The following COL10A1 variants were observed in gnomAD, a reference collection of about 807,000 sequenced individuals.
COL10A1 encodes collagen alpha-1(X) chain.
Under a neutral mutation model 18.2 loss-of-function variants are expected in COL10A1, and 10 were observed. The observed-to-expected ratio is 0.55, with a 90% confidence interval of 0.34 to 0.93. COL10A1 has a LOEUF of 0.93. Among genes scored for constraint, COL10A1 ranks in the 40% least tolerant of loss-of-function variants. The probability of loss-of-function intolerance (pLI) is 0.02; values close to 1 mark genes in which losing one functional copy is unlikely to be tolerated. For missense variants in COL10A1, 897 were observed against 853.5 expected, an observed-to-expected ratio of 1.05 and a Z score of -0.64; for synonymous variants, 330 against 316.6, an observed-to-expected ratio of 1.04 and a Z score of -0.45.
At chr6:116,207,703 A>G in the COL10A1 span, among the ~76,000 whole-genome samples, 6,212 of 151,996 alleles carry the variant, frequency 0.041, 424 homozygotes, top group African/African-American at 0.14. Flanking sequence ...CCCTGCTTAG[A>G]GTAGAATATT....
chr6:116,208,344 GA>G, the COL10A1 span, among the ~76,000 whole-genome samples: 14 of 151,924 alleles, frequency 9.2e-5, no homozygotes, highest in African/African-American at 3.1e-4. Context: ...GACTTCTGTT[GA>G]AAACAAAACC....
the COL10A1 span, among the ~76,000 whole-genome samples, chr6:116,189,374 T>A: frequency 2.0e-5 from 3 of 151,958 alleles, no homozygotes; most frequent in African/African-American, 7.2e-5. Flanking sequence ...TTGCAGTATA[T>A]TTACATTTAT....
chr6:116,147,727 T>C (rs903880078), intron 1 of COL10A1, among the ~76,000 whole-genome samples: 1 of 152,224 alleles, frequency 6.6e-6, no homozygotes. Flanking sequence ...CCAAGAATTA[T>C]ATCTCTAAGA....
chr6:116,164,155 T>A, the COL10A1 span, among the ~76,000 whole-genome samples: 2 of 152,342 alleles, frequency 1.3e-5, no homozygotes, highest in East Asian at 3.9e-4. Context: ...GTTTTCTCCT[T>A]CAGTGATCTG....
the COL10A1 span, among the ~76,000 whole-genome samples, chr6:116,195,201 TATA>T: frequency 6.6e-6 from 1 of 152,098 alleles, no homozygotes; most frequent in African/African-American, 2.4e-5. Context: ...ATACTGAAGT[TATA>T]ATATAGGCAT....
At chr6:116,216,754 A>G in the COL10A1 span, among the ~76,000 whole-genome samples, 1 of 152,106 alleles carries the variant, frequency 6.6e-6, no homozygotes, top group East Asian at 1.9e-4. Flanking sequence ...AACAAAATAA[A>G]TTTATCTCTT....
the COL10A1 span, among the ~76,000 whole-genome samples, chr6:116,190,730 A>G: frequency 3.9e-5 from 6 of 152,030 alleles, no homozygotes; most frequent in South Asian, 2.1e-4. Context: ...ATTCTTGACA[A>G]CTGAACTGTG....
At chr6:116,172,842 C>A in the COL10A1 span, among the ~76,000 whole-genome samples, 1 of 152,102 alleles carries the variant, frequency 6.6e-6, no homozygotes, top group Non-Finnish European at 1.5e-5. Context: ...AATCTACTCT[C>A]CTTGTTTTTA....
chr6:116,153,766 A>G (rs1442800793), intron 1 of COL10A1, among the ~76,000 whole-genome samples: 2 of 152,120 alleles, frequency 1.3e-5, no homozygotes, highest in Non-Finnish European at 2.9e-5. Flanking sequence ...TTTATGTTTT[A>G]TGCAATGATA....
chr6:116,152,516 G>A (rs779232328), intron 1 of COL10A1, among the ~76,000 whole-genome samples: 1 of 152,102 alleles, frequency 6.6e-6, no homozygotes, highest in Non-Finnish European at 1.5e-5. Flanking sequence ...GCACGATGGG[G>A]TCTCCAGGGC....
upstream of COL10A1, among the ~76,000 whole-genome samples, chr6:116,160,044 C>G (rs1780292068): frequency 6.6e-6 from 1 of 152,036 alleles, no homozygotes; most frequent in South Asian, 2.1e-4. Flanking sequence ...AATTCCATGA[C>G]TTTGCTATTG....
chr6:116,180,850 G>A, the COL10A1 span, among the ~76,000 whole-genome samples: 1 of 152,018 alleles, frequency 6.6e-6, no homozygotes, highest in Non-Finnish European at 1.5e-5. Flanking sequence ...TCAACCAATT[G>A]CAATTTGTGA....
At chr6:116,144,742 G>A (rs1213407078) in intron 1 of COL10A1, among the ~76,000 whole-genome samples, 1 of 152,184 alleles carries the variant, frequency 6.6e-6, no homozygotes, top group African/African-American at 2.4e-5. Flanking sequence ...GGGAGTGGGT[G>A]GGATAGCAGG....
At chr6:116,143,440 T>G (rs2114372524) in intron 1 of COL10A1, among the ~76,000 whole-genome samples, 1 of 152,248 alleles carries the variant, frequency 6.6e-6, no homozygotes, top group South Asian at 2.1e-4. Flanking sequence ...TCTTGATCTC[T>G]TAACCTTGTG....
the COL10A1 span, among the ~76,000 whole-genome samples, chr6:116,182,698 C>A: frequency 6.6e-6 from 1 of 151,970 alleles, no homozygotes; most frequent in African/African-American, 2.4e-5. Context: ...TTAGAATTGT[C>A]TCTTCATGTC....
chr6:116,162,705 C>T (rs1398738198), upstream of COL10A1, among the ~76,000 whole-genome samples: 13 of 152,096 alleles, frequency 8.5e-5, no homozygotes, highest in African/African-American at 2.2e-4. Flanking sequence ...TTTGCATCTA[C>T]GTTCATCAGG....
At chr6:116,193,147 A>C in the COL10A1 span, among the ~76,000 whole-genome samples, 57 of 152,008 alleles carry the variant, frequency 3.7e-4, no homozygotes, top group Non-Finnish European at 1.0e-4. Flanking sequence ...TCAGTTTGTT[A>C]TTAGCAACTC....
the COL10A1 span, among the ~76,000 whole-genome samples, chr6:116,212,278 T>TA: frequency 6.6e-6 from 1 of 152,180 alleles, no homozygotes; most frequent in East Asian, 1.9e-4. Flanking sequence ...ATATGACTGA[T>TA]ACAAATACAG....
chr6:116,124,878 A>G (rs1779246143), intron 2 of COL10A1, among the ~76,000 whole-genome samples: 1 of 152,148 alleles, frequency 6.6e-6, no homozygotes, highest in African/African-American at 2.4e-5. Flanking sequence ...GATTTTTTTG[A>G]TAAGACTCGG....
Sources: allele counts gnomAD v4.1 joint callset (sites outside exome capture counted in the v4.1 genomes callset), GRCh38; gene constraint gnomAD v4.1.1; transcripts MANE v1.5; gene names NCBI Gene and HGNC (gene_info 2026-07-23, HGNC 2026-07-21).